ADIPOR2: variants seen among roughly 807,000 people sequenced by gnomAD.
ADIPOR2 encodes the protein adiponectin receptor 2.
In ADIPOR2, 18 loss-of-function variants were observed where a neutral mutation model predicts 40.9. The ratio of observed to expected loss-of-function variants is 0.44; its 90% confidence interval spans 0.30 to 0.65. ADIPOR2 has a LOEUF of 0.65. Among genes scored for constraint, ADIPOR2 ranks in the 30% least tolerant of loss-of-function variants. ADIPOR2 has a pLI of 0.09. For missense variants in ADIPOR2, 283 were observed against 479.2 expected, an observed-to-expected ratio of 0.59 and a Z score of 3.82; for synonymous variants, 165 against 166.4, an observed-to-expected ratio of 0.99 and a Z score of 0.06.
At chr12:1,774,863 CCCGG>C (rs1476905237) in intron 3 of ADIPOR2, among the ~76,000 whole-genome samples, 10 of 151,822 alleles carry the variant, frequency 6.6e-5, no homozygotes, top group African/African-American at 2.4e-4. Flanking sequence ...TGCCACCATG[CCCGG>C]CTAATTTTTG....
intron 1 of ADIPOR2, among the ~76,000 whole-genome samples, chr12:1,694,812 CTT>C (rs201414995): frequency 1.3e-5 from 2 of 151,906 alleles, no homozygotes; most frequent in African/African-American, 4.8e-5. Context: ...AAAAATTACA[CTT>C]TTTTTTAGCA....
intron 1 of ADIPOR2, among the ~76,000 whole-genome samples, chr12:1,748,341 C>CG (rs1178265657): frequency 6.6e-6 from 1 of 151,982 alleles, no homozygotes; most frequent in East Asian, 1.9e-4. Context: ...CTCCGCCTCC[C>CG]GGGTTCACGC....
chr12:1,728,859 A>T (rs558030776), intron 1 of ADIPOR2, among the ~76,000 whole-genome samples: 2 of 152,154 alleles, frequency 1.3e-5, no homozygotes, highest in East Asian at 3.9e-4. Context: ...AGATATTGAT[A>T]GTCTGGTCTT....
At chr12:1,721,773 A>G (rs1182270178) in intron 1 of ADIPOR2, among the ~76,000 whole-genome samples, 1 of 152,186 alleles carries the variant, frequency 6.6e-6, no homozygotes, top group African/African-American at 2.4e-5. Flanking sequence ...TCTTCCTACA[A>G]AAGAGTCAGC....
At chr12:1,767,163 C>T (rs1031294111) in intron 2 of ADIPOR2, among the ~76,000 whole-genome samples, 3 of 150,162 alleles carry the variant, frequency 2.0e-5, no homozygotes, top group East Asian at 3.9e-4. Flanking sequence ...CCCAGCTACT[C>T]GGGAGGCTGA....
chr12:1,774,774 G>C (rs1403616296), intron 3 of ADIPOR2, among the ~76,000 whole-genome samples: 2 of 152,192 alleles, frequency 1.3e-5, no homozygotes, highest in Non-Finnish European at 2.9e-5. Flanking sequence ...GCACGATCTT[G>C]GCTCACTGCA....
chr12:1,742,274 G>C (rs1016023766), intron 1 of ADIPOR2, among the ~76,000 whole-genome samples: 1 of 152,148 alleles, frequency 6.6e-6, no homozygotes, highest in Non-Finnish European at 1.5e-5. Flanking sequence ...TGCATTTTTT[G>C]TAGAGACGGA....
intron 1 of ADIPOR2, among the ~76,000 whole-genome samples, chr12:1,747,520 C>T (rs185555674): frequency 1.3e-3 from 192 of 152,004 alleles, no homozygotes; most frequent in African/African-American, 1.7e-3. Context: ...TTTTGTTGGG[C>T]GGTGGTGGGT....
intron 1 of ADIPOR2, among the ~76,000 whole-genome samples, chr12:1,730,423 C>T (rs1345003519): frequency 1.3e-5 from 2 of 151,518 alleles, no homozygotes; most frequent in Non-Finnish European, 2.9e-5. Context: ...CGAGACCATC[C>T]TGACTAACAC....
chr12:1,773,107 T>C, intron 3 of ADIPOR2, 146 bp downstream of exon 3: 1 of 1,008,190 alleles, frequency 9.9e-7, no homozygotes, highest in Non-Finnish European at 1.4e-6. Context: ...GTCTTGGGAC[T>C]CTAATCCTGT....
intron 1 of ADIPOR2, among the ~76,000 whole-genome samples, chr12:1,703,795 T>G (rs1419905389): frequency 1.3e-5 from 2 of 152,146 alleles, no homozygotes; most frequent in Non-Finnish European, 2.9e-5. Context: ...GTTTGTTTTT[T>G]TGTTTGCGAC....
intron 2 of ADIPOR2, among the ~76,000 whole-genome samples, chr12:1,770,018 A>G (rs1650900598): frequency 6.6e-6 from 1 of 151,788 alleles, no homozygotes; most frequent in Admixed American, 6.6e-5. Context: ...CCTGGGGCTC[A>G]AGGAGTCCTC....
intron 1 of ADIPOR2, among the ~76,000 whole-genome samples, chr12:1,752,187 C>A (rs543573823): frequency 4.7e-5 from 7 of 148,046 alleles, no homozygotes; most frequent in Admixed American, 4.1e-4. Flanking sequence ...TCTCGGCCCC[C>A]CAAAGTGCTG....
intron 1 of ADIPOR2, among the ~76,000 whole-genome samples, chr12:1,728,719 G>T (rs546721251): frequency 6.6e-6 from 1 of 151,660 alleles, no homozygotes; most frequent in South Asian, 2.1e-4. Flanking sequence ...GCAAGACTCC[G>T]TCTTAAAAAA....
chr12:1,778,804 T>C (rs573390588), intron 4 of ADIPOR2, among the ~76,000 whole-genome samples: 3 of 152,314 alleles, frequency 2.0e-5, no homozygotes, highest in Non-Finnish European at 4.4e-5. Flanking sequence ...AAGGATCTAA[T>C]AAATAACTCC....
chr12:1,775,562 G>A (rs1862574124), intron 3 of ADIPOR2, among the ~76,000 whole-genome samples: 1 of 152,160 alleles, frequency 6.6e-6, no homozygotes, highest in South Asian at 2.1e-4. Context: ...TTGTCTGTGT[G>A]GGGTAGCAGA....
At chr12:1,691,744 G>T (rs1439995641) in intron 1 of ADIPOR2, among the ~76,000 whole-genome samples, 2 of 152,124 alleles carry the variant, frequency 1.3e-5, no homozygotes, top group Admixed American at 1.3e-4. Context: ...CCAAGCCCCC[G>T]TCCGTCAGTG....
intron 1 of ADIPOR2, among the ~76,000 whole-genome samples, chr12:1,736,731 C>A (rs1024608339): frequency 6.6e-6 from 1 of 152,210 alleles, no homozygotes; most frequent in Non-Finnish European, 1.5e-5. Flanking sequence ...ATCTTTCCTG[C>A]TTTCTCTTGT....
chr12:1,720,340 G>A (rs2094695379), intron 1 of ADIPOR2, among the ~76,000 whole-genome samples: 1 of 152,042 alleles, frequency 6.6e-6, no homozygotes, highest in Non-Finnish European at 1.5e-5. Context: ...ATGGACTGGT[G>A]GGCAGGGGGT....
Sources: gnomAD v4.1 joint callset for allele counts (sites outside exome capture counted in the v4.1 genomes callset) on GRCh38, gnomAD v4.1.1 for gene constraint, MANE v1.5 for transcripts, NCBI Gene and HGNC (gene_info 2026-07-23, HGNC 2026-07-21) for gene names.